The following PCDHGA8 variants were observed in gnomAD, a reference collection of about 807,000 sequenced individuals.
The protein encoded by PCDHGA8 is protocadherin gamma subfamily A, 8.
PCDHGA8 carries 45 observed loss-of-function variants against 59.2 expected under a neutral mutation model. The observed-to-expected ratio is 0.76, with a 90% CI of 0.60 to 0.98. The LOEUF (loss-of-function observed/expected upper bound fraction) is 0.98. Ranked by LOEUF, PCDHGA8 falls within the 50% of genes least tolerant of loss-of-function variation. The pLI, the probability that PCDHGA8 is intolerant of heterozygous loss-of-function variation, is 0.00. For missense variants in PCDHGA8, 1,257 were observed against 1,196.2 expected (o/e 1.05, Z -0.75); for synonymous variants, 531 against 519.0 (o/e 1.02, Z -0.32).
Position 141,477,678 on chromosome 5 carries a change from C to T in PCDHGA8, c.2425-17129C>T, listed in dbSNP as rs967769574. ...AATCGTGACAATGGCATAGTGTCAT[C>T]CTTAGTGCCCCTAGACTATGAGGAT... On this transcript the variant is annotated intron_variant, in intron 1 of 3. Coordinates refer to ENST00000398604, the MANE Select transcript of PCDHGA8 (RefSeq NM_032088.2). This position sits in a 1 kb window ranked among gnomAD's most constrained non-coding sequence, Gnocchi z 4.9. 9.9e-6 allele frequency: 16 copies of T among 1,614,182 alleles called. No homozygotes were observed. The highest frequency in any genetic ancestry group is 1.1e-5 in the Non-Finnish European group (13 of 1,180,046).
rs888389135 is a variant in PCDHGA8 at position 141,487,089 on chromosome 5, C to T, written c.2425-7718C>T. 12 of 1,613,882 alleles carry T rather than the reference C, an allele frequency of 7.4e-6. No individual in the cohort carries two copies. Among genetic ancestry groups the T allele is most frequent in the Non-Finnish European group, 1.0e-5 (12 of 1,179,768 alleles). On this transcript the variant is annotated intron_variant, in intron 1 of 3. Coordinates refer to ENST00000398604, the MANE Select transcript of PCDHGA8 (RefSeq NM_032088.2). The surrounding 1 kb of genome is among the most constrained non-coding windows in gnomAD (Gnocchi z 5.0). The stretch of plus-strand genomic sequence containing the variant: ...GCTGTTCCTATCCCAGCTGACCTCC[C>T]ACCACAGAAGCTGGTCATTGTGGTA...
chr5:141,487,684 C>G lies in PCDHGA8; in HGVS notation c.2425-7123C>G. On this transcript the variant is annotated intron_variant, in intron 1 of 3. Coordinates refer to ENST00000398604, the MANE Select transcript of PCDHGA8 (RefSeq NM_032088.2). The surrounding 1 kb of genome is among the most constrained non-coding windows in gnomAD (Gnocchi z 5.0). ...ATCCAGGCATATGGCTAGGCCATGT[C>G]CTAGAGAGTACTGGCCTCTCAGTAA... is the stretch of plus-strand genomic sequence containing the variant. The G allele has an allele frequency of 6.2e-7, 1 of 1,607,562 alleles. No individual in the cohort carries two copies. Among genetic ancestry groups the G allele is most frequent in the East Asian group, 2.2e-5 (1 of 44,768 alleles).
chr5:141,484,715 G>A (rs576646182), intron 1 of PCDHGA8, among the ~76,000 whole-genome samples: 1 of 152,130 alleles, frequency 6.6e-6, no homozygotes, highest in African/African-American at 2.4e-5. Context: ...CCGCCGAAAA[G>A]GGGCGGGGTC....
chr5:141,397,974 C>A (rs1248429844), intron 1 of PCDHGA8: 3 of 1,174,340 alleles, frequency 2.6e-6, no homozygotes, highest in African/African-American at 1.6e-5. Flanking sequence ...TCCCCAGCGC[C>A]GGCCTTTACA....
At chr5:141,469,306 A>G in intron 1 of PCDHGA8, among the ~76,000 whole-genome samples, 1 of 150,500 alleles carries the variant, frequency 6.6e-6, no homozygotes, top group South Asian at 2.1e-4. Flanking sequence ...ACTGGGCACG[A>G]TGGCTCACGC....
chr5:141,431,767 T>G lies in PCDHGA8; in HGVS notation c.2424+36530T>G, dbSNP rs1397063213. On this transcript the variant is annotated intron_variant, in intron 1 of 3. Coordinates refer to ENST00000398604, the MANE Select transcript of PCDHGA8 (RefSeq NM_032088.2). The surrounding 1 kb of genome is among the most constrained non-coding windows in gnomAD (Gnocchi z 4.8). ...CTGCGCGAGCCAAAGTCCTGATCAC[T>G]GTTCTGGACGTGAACGACAATGCCC... The G allele has an allele frequency of 6.2e-7, 1 of 1,614,224 alleles. No individual in the cohort carries two copies.
rs1024686607 is a variant in PCDHGA8, at chr5:141,487,597, T to C, written c.2425-7210T>C. 6.2e-7 allele frequency: 1 copy of C among 1,614,178 alleles called. No homozygotes were observed. The highest frequency in any genetic ancestry group is 8.5e-7 in the Non-Finnish European group (1 of 1,180,040). ...TTCGCCCAAGCTGCCCACCCTCTGA[T>C]CTTCTCTATGGGCTAGAGGTGAGAC... On this transcript the variant is annotated intron_variant, in intron 1 of 3. Coordinates refer to ENST00000398604, the MANE Select transcript of PCDHGA8 (RefSeq NM_032088.2). The surrounding 1 kb of genome is among the most constrained non-coding windows in gnomAD (Gnocchi z 5.0).
At chr5:141,458,984 C>T (rs2098958355) in intron 1 of PCDHGA8, among the ~76,000 whole-genome samples, 1 of 152,204 alleles carries the variant, frequency 6.6e-6, no homozygotes, top group Non-Finnish European at 1.5e-5. Context: ...CCTCCTGCCT[C>T]ACCCTCCCAA....
intron 1 of PCDHGA8, among the ~76,000 whole-genome samples, chr5:141,474,412 C>A (rs1282336092): frequency 6.6e-6 from 1 of 152,220 alleles, no homozygotes; most frequent in Non-Finnish European, 1.5e-5. Flanking sequence ...CCGGTGATGC[C>A]TAGACCATTG....
chr5:141,444,305 A>G (rs62379165), intron 1 of PCDHGA8, among the ~76,000 whole-genome samples: 13,327 of 151,310 alleles, frequency 0.088, 765 homozygotes, highest in African/African-American at 0.16. Context: ...CCTAGTAGCT[A>G]GGATTACAGG....
At position 141,393,408 on chromosome 5, in the gene PCDHGA8, G is replaced by T. The variant is rs2092753153; in HGVS notation, c.595G>T (p.Ala199Ser). 1 of 1,614,022 alleles carries T rather than the reference G, an allele frequency of 6.2e-7. No individual in the cohort carries two copies. Among genetic ancestry groups the T allele is most frequent in the East Asian group, 2.2e-5 (1 of 44,876 alleles). ...AAACCCAGAGCTGGTGCTGGAGCGC[G>T]CCCTGGACAGGGAGGAAGAGGCTGC... is the stretch of plus-strand genomic sequence containing the variant. ...AINPELVLER[A>S]LDREEEAAHH... Residue 199 changes from alanine to serine, a missense_variant, in exon 1 of 4, where the codon GCC becomes TCC. Coordinates refer to ENST00000398604, the MANE Select transcript of PCDHGA8 (RefSeq NM_032088.2).
chr5:141,423,574 C>T (rs953989787), intron 1 of PCDHGA8: 2 of 1,613,328 alleles, frequency 1.2e-6, no homozygotes, highest in Non-Finnish European at 1.7e-6. Flanking sequence ...GCTCATCAGC[C>T]AGGAGAGCTG....
intron 1 of PCDHGA8, chr5:141,427,831 G>T: frequency 7.1e-6 from 11 of 1,539,366 alleles, no homozygotes; most frequent in Non-Finnish European, 9.8e-6. Context: ...GTCGCGCAGC[G>T]TGCCTTCGAC....
At chr5:141,459,075 G>T (rs562572838) in intron 1 of PCDHGA8, among the ~76,000 whole-genome samples, 1 of 152,134 alleles carries the variant, frequency 6.6e-6, no homozygotes, top group Non-Finnish European at 1.5e-5. Context: ...CATAAAATTT[G>T]CCTTTTAAAA....
At chr5:141,497,201 G>A (rs1190666375) in intron 2 of PCDHGA8, among the ~76,000 whole-genome samples, 1 of 93,734 alleles carries the variant, frequency 1.1e-5, no homozygotes, top group African/African-American at 8.6e-5. Flanking sequence ...AGAACAATGT[G>A]AGTGTAATGG....
chr5:141,511,403 A>C lies in PCDHGA8; in HGVS notation c.*230A>C. On this transcript the variant is annotated 3_prime_UTR_variant, in exon 4 of 4. Coordinates refer to ENST00000398604, the MANE Select transcript of PCDHGA8 (RefSeq NM_032088.2). Reference sequence around the variant, plus strand: ...TCCGCTGGGAACCCCCATCCAATCAACTGCTGTACCCATGGGGGTAGTGGG... The same window carrying C: ...TCCGCTGGGAACCCCCATCCAATCACCTGCTGTACCCATGGGGGTAGTGGG... 8.5e-6 allele frequency: 8 copies of C among 939,018 alleles called. No individual in the cohort carries two copies. The highest frequency in any genetic ancestry group is 1.2e-5 in the Non-Finnish European group (8 of 650,834). The allele number at this position is 939,018 out of a possible 1,614,324, so 58.2% of individuals were successfully genotyped here. A position where few individuals can be genotyped will look rare whatever the true frequency, so the allele number is the denominator to read the frequency against.
rs1433429634 is a variant in PCDHGA8 at position 141,486,311 on chromosome 5, G to T, written c.2425-8496G>T. 1.2e-6 allele frequency: 2 copies of T among 1,613,956 alleles called. No homozygotes were observed. Among genetic ancestry groups the T allele is most frequent in the African/African-American group, 2.7e-5 (2 of 74,892 alleles). On this transcript the variant is annotated intron_variant, in intron 1 of 3. Transcript: ENST00000398604. The surrounding 1 kb of genome is among the most constrained non-coding windows in gnomAD (Gnocchi z 5.0). The stretch of plus-strand genomic sequence containing the variant: ...TATCAGTGTGCAGGATCCAGACTCA[G>T]GGTCAAACGGAGATGTGAGCCTCCG...
In PCDHGA8 at chr5:141,485,701, A is replaced by G. The variant is rs747748476; in HGVS notation, c.2425-9106A>G. The G allele has an allele frequency of 1.9e-6, 3 of 1,614,104 alleles. No homozygotes were observed. Among genetic ancestry groups the G allele is most frequent in the Non-Finnish European group, 2.5e-6 (3 of 1,180,010 alleles). On this transcript the variant is annotated intron_variant, in intron 1 of 3. Transcript: ENST00000398604. The surrounding 1 kb of genome is among the most constrained non-coding windows in gnomAD (Gnocchi z 5.7). ...GCAGCTATAGGCTGAGCTCCAATGAACACTTTGCACTGGATGTGAAGAAGC... is the reference window on the plus strand; with the variant it reads ...GCAGCTATAGGCTGAGCTCCAATGAGCACTTTGCACTGGATGTGAAGAAGC...
At position 141,431,897 on chromosome 5, in the gene PCDHGA8, G is replaced by C. The variant is rs1591112104; in HGVS notation, c.2424+36660G>C. 6.2e-7 allele frequency: 1 copy of C among 1,613,830 alleles called. No homozygotes were observed. The highest frequency in any genetic ancestry group is 8.5e-7 in the Non-Finnish European group (1 of 1,179,704). ...AAATGACCAAGATTCTGAGGAAAAC[G>C]GACAGGTGATCTGTTTCATCCAAGG... On this transcript the variant is annotated intron_variant, in intron 1 of 3. Coordinates refer to ENST00000398604, the MANE Select transcript of PCDHGA8 (RefSeq NM_032088.2). The surrounding 1 kb of genome is among the most constrained non-coding windows in gnomAD (Gnocchi z 4.8).
Sources: allele counts gnomAD v4.1 joint callset (sites outside exome capture counted in the v4.1 genomes callset), GRCh38; gene constraint gnomAD v4.1.1; non-coding constraint Gnocchi (gnomAD v3.1); transcripts MANE v1.5; gene names NCBI Gene and HGNC (gene_info 2026-07-23, HGNC 2026-07-21).